Variants in TJP3 observed in about 807,000 individuals in gnomAD.
The protein encoded by TJP3 is tight junction protein ZO-3.
In TJP3, 85 loss-of-function variants were observed where a neutral mutation model predicts 104.2. The ratio of observed to expected loss-of-function variants is 0.82; its 90% confidence interval spans 0.68 to 0.98. The LOEUF (loss-of-function observed/expected upper bound fraction) is 0.98, where lower values mean the gene tolerates loss of function less well. TJP3 is among the 50% of genes least tolerant of loss of function. The pLI is 0.00. For synonymous variants in TJP3, 550 were observed against 550.6 expected, an observed-to-expected ratio of 1.00 and a Z score of 0.02; for missense variants, 1,367 against 1,322.8, an observed-to-expected ratio of 1.03 and a Z score of -0.52.
intron 1 of TJP3, 78 bp from the exon 2 acceptor site, chr19:3,728,346 A>C: frequency 6.2e-7 from 1 of 1,611,036 alleles, no homozygotes; most frequent in Non-Finnish European, 8.5e-7. Context: ...TGGACTCCCC[A>C]CCCTGAGCTG....
Position 3,746,641 on chromosome 19 carries a change from C to T in TJP3, c.2167C>T (p.Arg723Cys), listed in dbSNP as rs967011015. 13 of 1,613,230 alleles carry T rather than the reference C, an allele frequency of 8.1e-6. No individual in the cohort carries two copies. The highest frequency in any genetic ancestry group is 7.6e-6 in the Non-Finnish European group (9 of 1,179,812). Residue 723 changes from arginine (R) to cysteine (C), a missense_variant, in exon 17 of 21, where the codon CGC becomes TGC. By Grantham distance (180) the Arg-to-Cys change is radical. Transcript: ENST00000541714. This position sits in a 1 kb window ranked among gnomAD's most constrained non-coding sequence, Gnocchi z 4.1. ...GCCTGCCTCCCGCCGCAGCACCCGT[C>T]GCCTCTACGCACAAGCCCAGAAGCT... is the stretch of plus-strand genomic sequence containing the variant. ...LAPASRRSTR[R>C]LYAQAQKLRK...
At chr19:3,736,128 C>G (rs764262336) in intron 10 of TJP3, 37 bp from the exon 11 acceptor site, 2 of 1,560,640 alleles carry the variant, frequency 1.3e-6, no homozygotes, top group Admixed American at 1.8e-5. Context: ...TTTGTCCGCC[C>G]ACTCTGCTCT....
intron 1 of TJP3, among the ~76,000 whole-genome samples, chr19:3,715,992 T>C (rs974803494): frequency 1.3e-5 from 2 of 151,990 alleles, no homozygotes; most frequent in African/African-American, 4.8e-5. Flanking sequence ...TTGGCCAGGC[T>C]GGTCTCGAAC....
chr19:3,716,361 C>G (rs558045111), intron 1 of TJP3, among the ~76,000 whole-genome samples: 1 of 148,574 alleles, frequency 6.7e-6, no homozygotes, highest in East Asian at 2.0e-4. Context: ...GTGTGAGTCA[C>G]CGCGCTCGGC....
Position 3,733,913 on chromosome 19 carries a change from G to T in TJP3, c.877+1G>T, listed in dbSNP as rs376976821. 4 of 1,613,634 alleles carry T rather than the reference G, an allele frequency of 2.5e-6. No homozygotes were observed. The highest frequency in any genetic ancestry group is 3.4e-6 in the Non-Finnish European group (4 of 1,179,818). On this transcript the variant is annotated splice_donor_variant, in intron 7 of 20. Transcript: ENST00000541714. LOFTEE classifies it high-confidence loss of function. ...GACAGCGACAGCTCGCCATTGGAGG[G>T]TGAGGACCTAGAGGTTAGGACCTGG...
Position 3,740,555 on chromosome 19 carries a change from G to A in TJP3, c.1635G>A (p.Ala545=), listed in dbSNP as rs773659177. The A allele has an allele frequency of 3.3e-5, 49 of 1,471,656 alleles. No homozygotes were observed. The highest frequency in any genetic ancestry group is 5.7e-5 in the African/African-American group (4 of 70,794). 91.2% of individuals were successfully genotyped at this position (1,471,656 alleles called of 1,614,324 possible). A position where few individuals can be genotyped will look rare whatever the true frequency, so the allele number is the denominator to read the frequency against. The change falls in exon 14 of 21, where the codon GCG becomes GCA. Residue 545 remains alanine (A), a synonymous_variant. Transcript: ENST00000541714. ...TACTGTCCCCTCTTCTCCCCAGGGC[G>A]GAGCAGCTGGCCAGCCTGGAAGCTG... The part of the protein sequence containing the change: ...ERGIIPNQSR[A]EQLASLEAAQ...
chr19:3,733,744 C>G lies in TJP3; in HGVS notation c.718-9C>G. 1 of 1,614,028 alleles carries G rather than the reference C, an allele frequency of 6.2e-7. No homozygotes were observed. The highest frequency in any genetic ancestry group is 1.1e-5 in the South Asian group (1 of 91,058). On this transcript the variant is annotated splice_polypyrimidine_tract_variant and intron_variant, in intron 6 of 20. Coordinates refer to ENST00000541714, the MANE Select transcript of TJP3 (RefSeq NM_001267560.2). Reference sequence around the variant, plus strand: ...TCACTTCCGCTCTTTCATTCCTGGTCCCTTTCAGATCAACGGGGTGTCTAG... The same window carrying G: ...TCACTTCCGCTCTTTCATTCCTGGTGCCTTTCAGATCAACGGGGTGTCTAG...
chr19:3,724,560 A>G (rs915054208), intron 1 of TJP3, among the ~76,000 whole-genome samples: 9 of 147,098 alleles, frequency 6.1e-5, no homozygotes, highest in Non-Finnish European at 1.2e-4. Context: ...TTTTTGAGAC[A>G]GGGTCTTGCT....
rs1453268232 is a variant in TJP3, at chr19:3,730,724, G to A, written c.613+18G>A. 53 of 1,599,626 alleles carry A rather than the reference G, an allele frequency of 3.3e-5. No homozygotes were observed. Among genetic ancestry groups the A allele is most frequent in the Non-Finnish European group, 4.4e-5 (52 of 1,178,834 alleles). ...CAGCGAAGGTCAGAAGAGGCGGGAGGTCGGACACGATCAGTACTGGACACA... is the reference window on the plus strand; with the variant it reads ...CAGCGAAGGTCAGAAGAGGCGGGAGATCGGACACGATCAGTACTGGACACA... On this transcript the variant is annotated intron_variant, in intron 5 of 20. Coordinates refer to ENST00000541714, the MANE Select transcript of TJP3 (RefSeq NM_001267560.2). The surrounding 1 kb of genome is among the most constrained non-coding windows in gnomAD (Gnocchi z 7.3).
chr19:3,746,887 G>T lies in TJP3; in HGVS notation c.2322+11G>T. On this transcript the variant is annotated intron_variant, in intron 18 of 20. Transcript: ENST00000541714. This position sits in a 1 kb window ranked among gnomAD's most constrained non-coding sequence, Gnocchi z 4.1. ...ACGGCGGAAGATCAGGTACTGCCGC[G>T]GTGTGGGTGGGTCGGGCAGGGAGGC... 6.3e-7 allele frequency: 1 copy of T among 1,588,918 alleles called. No individual in the cohort carries two copies. The highest frequency in any genetic ancestry group is 1.3e-5 in the African/African-American group (1 of 74,518).
Position 3,728,407 on chromosome 19 carries a change from C to A in TJP3, c.-9-17C>A. On this transcript the variant is annotated splice_polypyrimidine_tract_variant and intron_variant, in intron 1 of 20. Transcript: ENST00000541714. The stretch of plus-strand genomic sequence containing the variant: ...CTGTGTGGCCTCATGCCCATCTTCC[C>A]CGCTCCCCTCGACCAGGTGGCTGAC... 1 of 1,614,176 alleles carries A rather than the reference C, an allele frequency of 6.2e-7. No homozygotes were observed. Among genetic ancestry groups the A allele is most frequent in the Non-Finnish European group, 8.5e-7 (1 of 1,180,014 alleles).
At position 3,728,806 on chromosome 19, in the gene TJP3, A is replaced by G. The variant is rs2036633742; in HGVS notation, c.158+93A>G. The G allele has an allele frequency of 2.2e-6, 3 of 1,384,048 alleles. No homozygotes were observed. In the Admixed American group the frequency reaches 5.9e-5, roughly 27 times the overall value. The allele number at this position is 1,384,048 out of a possible 1,614,324, so 85.7% of individuals were successfully genotyped here. On this transcript the variant is annotated intron_variant, in intron 3 of 20. Coordinates refer to ENST00000541714, the MANE Select transcript of TJP3 (RefSeq NM_001267560.2). ...AGTGACTCACACCCGTCATCCCAGC[A>G]CTTTGCGAGGCTGAAGTGGGCGGAT...
chr19:3,736,962 C>T (rs535164878), intron 11 of TJP3, among the ~76,000 whole-genome samples: 2 of 151,030 alleles, frequency 1.3e-5, no homozygotes, highest in South Asian at 2.1e-4. Flanking sequence ...TCACTGCAAC[C>T]TCCGCCTCCC....
Position 3,716,486 on chromosome 19 carries a change from G to A in TJP3, c.-10+7925G>A, listed in dbSNP as rs1163475814. Among the ~76,000 whole-genome samples the A allele has an allele frequency of 2.7e-5, 4 of 148,222 alleles. 1 individual carries two copies. The highest frequency in any genetic ancestry group is 6.1e-5 in the Non-Finnish European group (4 of 66,060). ...AACAGAGCTGCAGCCAAATCCCTCAGGCCAGCTCACCATCTGGCCTCAGTT... is the reference window on the plus strand; with the variant it reads ...AACAGAGCTGCAGCCAAATCCCTCAAGCCAGCTCACCATCTGGCCTCAGTT... On this transcript the variant is annotated intron_variant, in intron 1 of 20. Transcript: ENST00000541714.
At chr19:3,738,417 C>A in intron 11 of TJP3, 138 bp from the exon 12 acceptor site, 1 of 682,242 alleles carries the variant, frequency 1.5e-6, no homozygotes, top group Non-Finnish European at 2.6e-6. Context: ...TCGGAAAGCC[C>A]TCGGGGAACT....
At chr19:3,750,081 C>G in intron 19 of TJP3, 57 bp from the exon 20 acceptor site, 1 of 1,611,386 alleles carries the variant, frequency 6.2e-7, no homozygotes, top group Non-Finnish European at 8.5e-7. Flanking sequence ...GGTTATTGAT[C>G]TCGACTCACC....
Position 3,731,987 on chromosome 19 carries a change from G to C in TJP3, c.666G>C (p.Ser222=). The C allele has an allele frequency of 1.2e-6, 2 of 1,613,054 alleles. No homozygotes were observed. The highest frequency in any genetic ancestry group is 1.7e-6 in the Non-Finnish European group (2 of 1,179,628). The change falls in exon 6 of 21, where the codon TCG becomes TCC. Residue 222 remains serine, a synonymous_variant. Transcript: ENST00000541714. ...SQIFIKHITD[S]GLAARHRGLQ... Reference sequence around the variant, plus strand: ...TCTTCATCAAGCACATTACAGATTCGGGCCTGGCTGCCCGGCACCGTGGGC... The same window carrying C: ...TCTTCATCAAGCACATTACAGATTCCGGCCTGGCTGCCCGGCACCGTGGGC...
rs2036597779 is a variant in TJP3 at position 3,726,569 on chromosome 19, A to G, written c.-9-1855A>G. On this transcript the variant is annotated intron_variant, in intron 1 of 20. Coordinates refer to ENST00000541714, the MANE Select transcript of TJP3 (RefSeq NM_001267560.2). ...AGCCAAGTTGGCACCATTGCACTCC[A>G]GCCTCAGCAACAGAGTTTTTTTTGT... 2.0e-5 allele frequency among the ~76,000 whole-genome samples: 3 copies of G among 151,038 alleles called. No homozygotes were observed. The East Asian group carries it at 5.8e-4, about 29-fold the overall frequency.
At chr19:3,744,947 A>C (rs2036866853) in intron 15 of TJP3, among the ~76,000 whole-genome samples, 1 of 151,818 alleles carries the variant, frequency 6.6e-6, no homozygotes, top group African/African-American at 2.4e-5. Flanking sequence ...AACAAAAAAT[A>C]GTTAAGATTG....
Sources: gnomAD v4.1 joint callset for allele counts (sites outside exome capture counted in the v4.1 genomes callset) on GRCh38, gnomAD v4.1.1 for gene constraint, Gnocchi (gnomAD v3.1) non-coding constraint, MANE v1.5 for transcripts, NCBI Gene and HGNC (gene_info 2026-07-23, HGNC 2026-07-21) for gene names.